Variants in ANKRD62 observed in about 807,000 individuals in gnomAD.
The protein encoded by ANKRD62 is ankyrin repeat domain-containing protein 62.
ANKRD62 carries 61 observed loss-of-function variants against 98.8 expected under a neutral mutation model. The ratio of observed to expected loss-of-function variants is 0.62; its 90% CI spans 0.50 to 0.76. The LOEUF is 0.76. ANKRD62 is among the 30% of genes least tolerant of loss of function. ANKRD62 has a pLI of 0.00. For synonymous variants in ANKRD62, 341 were observed against 367.9 expected (o/e 0.93, Z 0.84); for missense variants, 933 against 1,082.9 (o/e 0.86, Z 1.94).
chr18:12,158,215 T>G, the ANKRD62 span, among the ~76,000 whole-genome samples: 1 of 152,168 alleles, frequency 6.6e-6, no homozygotes, highest in Non-Finnish European at 1.5e-5. Context: ...AGGTAGTAAA[T>G]GAGAAGGCAA....
In ANKRD62 at chr18:12,095,283, A is replaced by G; in HGVS notation, c.331A>G (p.Lys111Glu). The G allele has an allele frequency of 6.5e-7, 1 of 1,540,190 alleles. No homozygotes were observed. Among genetic ancestry groups the G allele is most frequent in the Non-Finnish European group, 8.7e-7 (1 of 1,146,720 alleles). ...TDSENRTALIKAVQCQEEVCA... is the reference protein window; with the variant it reads ...TDSENRTALIEAVQCQEEVCA... ...CAGTGAAAACAGGACAGCTCTGATC[A>G]AGGTATATGGTAGCCAACTCTTTCA... is the stretch of plus-strand genomic sequence containing the variant. The change falls in exon 2 of 14, where the codon AAG (lysine) becomes GAG (glutamate). Residue 111 changes from lysine to glutamate, a missense_variant and splice_region_variant. Lys to Glu is a moderately conservative substitution (Grantham distance 56). This residue lies in a region of ANKRD62 where 549 missense variants were observed against 587.9 expected (regional missense o/e 0.93). Transcript: ENST00000587848.
rs1909633787 is a variant in ANKRD62, at chr18:12,115,127, A to G, written c.1098+6A>G. On this transcript the variant is annotated splice_donor_region_variant and intron_variant, in intron 9 of 13. Coordinates refer to ENST00000587848, the MANE Select transcript of ANKRD62 (RefSeq NM_001277333.2). ...CCTCTAATGAAAAGAGCAAGGTATTATAAAAGTAAATTGTCAAGAATGCTG... is the reference window on the plus strand; with the variant it reads ...CCTCTAATGAAAAGAGCAAGGTATTGTAAAAGTAAATTGTCAAGAATGCTG... 3.6e-6 allele frequency: 5 copies of G among 1,404,250 alleles called. No individual in the cohort carries two copies. The highest frequency in any genetic ancestry group is 4.6e-6 in the Non-Finnish European group (5 of 1,086,000). 87.0% of individuals were successfully genotyped at this position (1,404,250 alleles called of 1,614,324 possible).
At chr18:12,119,677 ACACATTCAGAC>A (rs1909743995) in intron 10 of ANKRD62, among the ~76,000 whole-genome samples, 1 of 151,962 alleles carries the variant, frequency 6.6e-6, no homozygotes, top group Non-Finnish European at 1.5e-5. Flanking sequence ...ACTTTTGAGA[ACACATTCAGAC>A]CACAGCAGGT....
At chr18:12,144,946 C>T in the ANKRD62 span, among the ~76,000 whole-genome samples, 1 of 142,944 alleles carries the variant, frequency 7.0e-6, no homozygotes, top group Non-Finnish European at 1.5e-5. Context: ...GAGTTCGAGG[C>T]CAGCTGGGCA....
the ANKRD62 span, among the ~76,000 whole-genome samples, chr18:12,167,451 C>T: frequency 6.6e-6 from 1 of 152,158 alleles, no homozygotes; most frequent in African/African-American, 2.4e-5. Context: ...CATGTCGCTA[C>T]AAAGGACATG....
At chr18:12,100,501 T>G (rs1478536877) in intron 6 of ANKRD62, among the ~76,000 whole-genome samples, 1 of 152,128 alleles carries the variant, frequency 6.6e-6, no homozygotes, top group Non-Finnish European at 1.5e-5. Flanking sequence ...GTTCAGAGAT[T>G]AACTCTGACA....
At chr18:12,140,292 A>G in the ANKRD62 span, among the ~76,000 whole-genome samples, 2 of 151,988 alleles carry the variant, frequency 1.3e-5, no homozygotes, top group African/African-American at 4.8e-5. Context: ...ATTGGTTCAA[A>G]CTTCCTCCTG....
chr18:12,102,117 A>G, intron 6 of ANKRD62: 2 of 1,324,734 alleles, frequency 1.5e-6, no homozygotes, highest in Non-Finnish European at 1.1e-6. Context: ...TCTGCAAGGC[A>G]TCCCCATGAA....
At chr18:12,138,907 T>C in the ANKRD62 span, among the ~76,000 whole-genome samples, 2 of 152,210 alleles carry the variant, frequency 1.3e-5, no homozygotes, top group Non-Finnish European at 2.9e-5. Flanking sequence ...AAGATCTTCC[T>C]CCATCTCTTT....
intron 11 of ANKRD62, among the ~76,000 whole-genome samples, chr18:12,122,851 T>C (rs1009155737): frequency 6.6e-6 from 1 of 152,208 alleles, no homozygotes; most frequent in African/African-American, 2.4e-5. Context: ...TCTACATTTC[T>C]ATTTCTTTAC....
At chr18:12,140,003 T>G in the ANKRD62 span, among the ~76,000 whole-genome samples, 1 of 152,234 alleles carries the variant, frequency 6.6e-6, no homozygotes, top group Non-Finnish European at 1.5e-5. Context: ...GTAGATTTGG[T>G]CTTTTCACAT....
the ANKRD62 span, among the ~76,000 whole-genome samples, chr18:12,168,532 C>T: frequency 3.9e-5 from 6 of 152,200 alleles, no homozygotes; most frequent in South Asian, 6.2e-4. Context: ...GTTCTGATTA[C>T]TGTAGCCTTG....
chr18:12,103,600 T>C (rs1339809199), intron 7 of ANKRD62, among the ~76,000 whole-genome samples: 1 of 152,104 alleles, frequency 6.6e-6, no homozygotes. Flanking sequence ...TTGCCAATGG[T>C]CCAAAATTTG....
chr18:12,177,427 C>T, the ANKRD62 span, among the ~76,000 whole-genome samples: 1 of 152,200 alleles, frequency 6.6e-6, no homozygotes, highest in Non-Finnish European at 1.5e-5. Context: ...GTCCCTTCAG[C>T]ACCAGCTGGG....
At chr18:12,096,410 G>A in intron 4 of ANKRD62, 108 bp downstream of exon 4, 3 of 625,472 alleles carry the variant, frequency 4.8e-6, no homozygotes, top group Non-Finnish European at 7.7e-6. Flanking sequence ...ATTATTATTG[G>A]GATAGAGAGA....
At chr18:12,101,878 C>G (rs879438129) in intron 6 of ANKRD62, 7 of 663,150 alleles carry the variant, frequency 1.1e-5, no homozygotes, top group Non-Finnish European at 1.9e-5. Context: ...GAGAAGAAGG[C>G]TGTCCACCAA....
rs1909109083 is a variant in ANKRD62, at chr18:12,094,048, T to G, written c.31T>G (p.Cys11Gly). The G allele has an allele frequency of 6.5e-7, 1 of 1,535,108 alleles. No homozygotes were observed. The highest frequency in any genetic ancestry group is 8.7e-7 in the Non-Finnish European group (1 of 1,146,758). Residue 11 changes from cysteine (C) to glycine (G), a missense_variant, in exon 1 of 14, where the codon TGC (cysteine) becomes GGC (glycine). Physicochemically the swap from Cys to Gly is radical, Grantham distance 159. Around this residue, in one of 3 missense-constraint regions of ANKRD62, gnomAD observed 549 missense variants for 587.9 expected, o/e 0.93. Transcript: ENST00000587848. ...GGTCAGGGGGTCGTTCCTGGCGGCC[T>G]GCAGGAGACGCATGGCTACCTGGAG... Reference protein sequence around the residue: MEVRGSFLAACRRRMATWRKN... With the variant: MEVRGSFLAAGRRRMATWRKN...
intron 1 of ANKRD62, among the ~76,000 whole-genome samples, chr18:12,094,792 T>G (rs971771392): frequency 2.0e-3 from 46 of 23,472 alleles, no homozygotes; most frequent in South Asian, 2.9e-3. Flanking sequence ...TGGGGGTGGG[T>G]GGGGTTGGGG....
the ANKRD62 span, among the ~76,000 whole-genome samples, chr18:12,135,377 A>C: frequency 6.6e-6 from 1 of 150,630 alleles, no homozygotes; most frequent in African/African-American, 2.5e-5. Context: ...TGAACTCATC[A>C]TTTTTTATGG....
Sources: gnomAD v4.1 joint callset for allele counts (sites outside exome capture counted in the v4.1 genomes callset) on GRCh38, gnomAD v4.1.1 for gene constraint, gnomAD v4.1.1 regional missense constraint, MANE v1.5 for transcripts, NCBI Gene and HGNC (gene_info 2026-07-23, HGNC 2026-07-21) for gene names.